CCSER1: variants seen among roughly 807,000 people sequenced by gnomAD.
CCSER1 encodes serine-rich coiled-coil domain-containing protein 1.
A neutral mutation model predicts 82.0 loss-of-function variants in CCSER1; 41 were observed. That is an observed-to-expected ratio of 0.50 (90% CI 0.39 to 0.65). CCSER1 has a LOEUF of 0.65. Ranked by LOEUF, CCSER1 falls within the 30% of genes least tolerant of loss-of-function variation. CCSER1 has a pLI of 0.00. For missense variants in CCSER1, 1,119 were observed against 1,064.2 expected, an observed-to-expected ratio of 1.05 and a Z score of -0.72; for synonymous variants, 414 against 383.9, an observed-to-expected ratio of 1.08 and a Z score of -0.92.
At chr4:91,154,247 G>T (rs1365675186) in intron 10 of CCSER1, among the ~76,000 whole-genome samples, 1 of 152,038 alleles carries the variant, frequency 6.6e-6, no homozygotes, top group Non-Finnish European at 1.5e-5. Context: ...CCACCTTGCA[G>T]TTTGATCTCA....
rs1213402886 is a variant in CCSER1 at position 90,308,188 on chromosome 4, G to A, written c.-41-56G>A. Reference sequence around the variant, plus strand: ...GAAAAGCAATATTTTGTTTTAAAATGTATTATTTGTAGTTGAATTCTATTG... The same window carrying A: ...GAAAAGCAATATTTTGTTTTAAAATATATTATTTGTAGTTGAATTCTATTG... On this transcript the variant is annotated intron_variant, in intron 1 of 10. Transcript: ENST00000509176. The A allele has an allele frequency of 6.4e-6, 8 of 1,248,208 alleles. No individual in the cohort carries two copies. In the African/African-American group the frequency reaches 9.2e-5, roughly 14 times the overall value. The allele number at this position is 1,248,208 out of a possible 1,614,324, so 77.3% of individuals were successfully genotyped here. A position where few individuals can be genotyped will look rare whatever the true frequency, so the allele number is the denominator to read the frequency against.
At chr4:90,151,635 A>G (rs377198379) in intron 1 of CCSER1, among the ~76,000 whole-genome samples, 24 of 152,268 alleles carry the variant, frequency 1.6e-4, no homozygotes, top group African/African-American at 5.0e-4. Flanking sequence ...CTAATGATAC[A>G]AAGAGTACAC....
intron 5 of CCSER1, among the ~76,000 whole-genome samples, chr4:90,617,785 T>C (rs980599014): frequency 2.6e-5 from 4 of 152,174 alleles, no homozygotes; most frequent in African/African-American, 9.6e-5. Context: ...ACATTCTGTC[T>C]TCATGTTATC....
At chr4:91,001,684 T>A (rs1477312986) in intron 9 of CCSER1, among the ~76,000 whole-genome samples, 1 of 152,138 alleles carries the variant, frequency 6.6e-6, no homozygotes, top group Non-Finnish European at 1.5e-5. Context: ...CAACAGATAG[T>A]TGGTTGGTGA....
At chr4:91,432,365 A>C (rs1017614976) in intron 10 of CCSER1, among the ~76,000 whole-genome samples, 2 of 152,254 alleles carry the variant, frequency 1.3e-5, no homozygotes, top group Non-Finnish European at 2.9e-5. Context: ...ATAATACTAT[A>C]ATGAATAACT....
chr4:91,130,074 T>C (rs1323661679), intron 10 of CCSER1: 1 of 151,838 alleles, frequency 6.6e-6, no homozygotes, highest in Non-Finnish European at 1.5e-5. Flanking sequence ...ATATGTATTA[T>C]TTAAGAAAAA....
At chr4:90,465,510 C>T (rs947769863) in intron 4 of CCSER1, among the ~76,000 whole-genome samples, 2 of 151,970 alleles carry the variant, frequency 1.3e-5, no homozygotes, top group East Asian at 1.9e-4. Context: ...TTAGTAGAGA[C>T]AGGGTTTCAC....
At chr4:91,461,664 A>G (rs1756507460) in intron 10 of CCSER1, among the ~76,000 whole-genome samples, 1 of 152,164 alleles carries the variant, frequency 6.6e-6, no homozygotes, top group Non-Finnish European at 1.5e-5. Flanking sequence ...TCTTCAAACA[A>G]TGTAGCATAC....
intron 3 of CCSER1, among the ~76,000 whole-genome samples, chr4:90,390,823 A>T (rs1750874744): frequency 6.6e-6 from 1 of 152,126 alleles, no homozygotes; most frequent in Admixed American, 6.6e-5. Context: ...TGCTGAGTTG[A>T]GTGGTAATTT....
chr4:91,413,131 C>G (rs1466957641), intron 10 of CCSER1, among the ~76,000 whole-genome samples: 1 of 152,080 alleles, frequency 6.6e-6, no homozygotes, highest in Admixed American at 6.6e-5. Context: ...CCTGATCATA[C>G]AGAAGACTTA....
intron 10 of CCSER1, among the ~76,000 whole-genome samples, chr4:91,283,074 A>G (rs951207241): frequency 1.3e-5 from 2 of 151,964 alleles, no homozygotes; most frequent in African/African-American, 4.8e-5. Context: ...TGAGATTTTT[A>G]TTTACTTAAT....
At chr4:90,262,412 G>A (rs577631510) in intron 1 of CCSER1, among the ~76,000 whole-genome samples, 2 of 152,248 alleles carry the variant, frequency 1.3e-5, no homozygotes, top group Non-Finnish European at 2.9e-5. Flanking sequence ...TTATGTACTT[G>A]ATGTGTGGGC....
At chr4:91,306,831 T>C (rs1745101606) in intron 10 of CCSER1, among the ~76,000 whole-genome samples, 1 of 152,082 alleles carries the variant, frequency 6.6e-6, no homozygotes, top group African/African-American at 2.4e-5. Context: ...AATCAACTTT[T>C]ACAAAACTTT....
intron 8 of CCSER1, among the ~76,000 whole-genome samples, chr4:90,873,098 T>G (rs914849635): frequency 1.3e-5 from 2 of 152,038 alleles, no homozygotes; most frequent in South Asian, 4.1e-4. Flanking sequence ...CTTTTTGTAC[T>G]TGAATATTGA....
intron 10 of CCSER1, among the ~76,000 whole-genome samples, chr4:91,099,865 G>A (rs1724882094): frequency 6.6e-6 from 1 of 152,122 alleles, no homozygotes; most frequent in Non-Finnish European, 1.5e-5. Context: ...TTCCTATTCA[G>A]ATCTTTAAAA....
At chr4:90,129,343 T>C (rs1722424766) in intron 1 of CCSER1, among the ~76,000 whole-genome samples, 1 of 152,232 alleles carries the variant, frequency 6.6e-6, no homozygotes, top group African/African-American at 2.4e-5. Context: ...GGTTTCTCTT[T>C]CTGTTTGCTT....
At chr4:91,547,676 T>C (rs1015147750) in intron 10 of CCSER1, among the ~76,000 whole-genome samples, 1 of 152,228 alleles carries the variant, frequency 6.6e-6, no homozygotes, top group Admixed American at 6.5e-5. Context: ...GAATTTTAAA[T>C]TGATGAATGG....
chr4:91,292,439 C>T (rs150446158), intron 10 of CCSER1, among the ~76,000 whole-genome samples: 291 of 151,914 alleles, frequency 1.9e-3, no homozygotes, highest in African/African-American at 6.1e-3. Context: ...ATTATGCTTA[C>T]GCTAGATTAC....
intron 8 of CCSER1, among the ~76,000 whole-genome samples, chr4:90,910,370 A>G (rs747213566): frequency 3.3e-5 from 5 of 152,224 alleles, no homozygotes; most frequent in Admixed American, 6.5e-5. Flanking sequence ...ACGCACAGTT[A>G]TCTGGGTACA....
Sources: gnomAD v4.1 joint callset for allele counts (sites outside exome capture counted in the v4.1 genomes callset) on GRCh38, gnomAD v4.1.1 for gene constraint, MANE v1.5 for transcripts, NCBI Gene and HGNC (gene_info 2026-07-23, HGNC 2026-07-21) for gene names.